RFX4: variants seen among roughly 807,000 people sequenced by gnomAD.
The protein encoded by RFX4 is regulatory factor X4.
In RFX4, 10 loss-of-function variants were observed where a neutral mutation model predicts 95.0. The observed-to-expected ratio is 0.11, with a 90% CI of 0.06 to 0.18. The LOEUF is 0.18. Among genes scored for constraint, RFX4 ranks in the 10% least tolerant of loss-of-function variants. RFX4 has a pLI of 1.00. For missense variants in RFX4, 640 were observed against 922.0 expected (o/e 0.69, Z 3.96); for synonymous variants, 321 against 340.7 (o/e 0.94, Z 0.64).
At chr12:106,647,852 A>C (rs972594219) in intron 3 of RFX4, among the ~76,000 whole-genome samples, 12 of 152,110 alleles carry the variant, frequency 7.9e-5, no homozygotes, top group Non-Finnish European at 1.3e-4. Flanking sequence ...AGTTTCTCTC[A>C]TTTTACAGAT....
intron 13 of RFX4, among the ~76,000 whole-genome samples, chr12:106,729,672 A>G (rs2042573421): frequency 6.6e-6 from 1 of 152,224 alleles, no homozygotes; most frequent in African/African-American, 2.4e-5. Flanking sequence ...TGCCAAAATA[A>G]ATCTCTGGTG....
At chr12:106,710,104 T>C (rs2042163424) in intron 9 of RFX4, among the ~76,000 whole-genome samples, 1 of 152,270 alleles carries the variant, frequency 6.6e-6, no homozygotes, top group African/African-American at 2.4e-5. Context: ...GAGACTCATG[T>C]ACCGTTCGTT....
Position 106,720,671 on chromosome 12 carries a change from G to A in RFX4, c.1234-88G>A. 1 of 1,300,510 alleles carries A rather than the reference G, an allele frequency of 7.7e-7. No homozygotes were observed. 80.6% of individuals were successfully genotyped at this position (1,300,510 alleles called of 1,614,324 possible). ...CAAAGTGCTGGGATTACAGGCGTGA[G>A]CCACTTCAACCGGCCTCATTTTTCA... On this transcript the variant is annotated intron_variant, in intron 12 of 17. Coordinates refer to ENST00000392842, the MANE Select transcript of RFX4 (RefSeq NM_213594.3). The surrounding 1 kb of genome is among the most constrained non-coding windows in gnomAD (Gnocchi z 4.2).
chr12:106,614,443 G>T (rs1057051723), intron 2 of RFX4, among the ~76,000 whole-genome samples: 31 of 151,848 alleles, frequency 2.0e-4, no homozygotes, highest in Non-Finnish European at 5.9e-5. Flanking sequence ...ACAGGCGTGA[G>T]CCCCTGTGCC....
intron 16 of RFX4, among the ~76,000 whole-genome samples, chr12:106,748,393 G>A (rs566799392): frequency 4.6e-5 from 7 of 152,310 alleles, no homozygotes; most frequent in Non-Finnish European, 1.0e-4. Context: ...CCTTTAGGCT[G>A]CAGTTATTCA....
At chr12:106,753,916 C>CCTG (rs2043060682) in intron 17 of RFX4, among the ~76,000 whole-genome samples, 3 of 152,162 alleles carry the variant, frequency 2.0e-5, no homozygotes, top group Non-Finnish European at 4.4e-5. Context: ...AGGGCCCCCA[C>CCTG]AAAATGAACC....
At chr12:106,710,878 G>A (rs1399680739) in intron 9 of RFX4, among the ~76,000 whole-genome samples, 1 of 152,192 alleles carries the variant, frequency 6.6e-6, no homozygotes, top group East Asian at 1.9e-4. Context: ...TTATGTCAGT[G>A]TAGGAAACAA....
chr12:106,588,307 C>A (rs1318153170), intron 1 of RFX4, among the ~76,000 whole-genome samples: 1 of 152,190 alleles, frequency 6.6e-6, no homozygotes. Flanking sequence ...TCCCTCCATC[C>A]CCAAAGGATT....
At chr12:106,744,364 G>A (rs542744497) in intron 15 of RFX4, among the ~76,000 whole-genome samples, 33 of 152,192 alleles carry the variant, frequency 2.2e-4, no homozygotes, top group Non-Finnish European at 3.7e-4. Flanking sequence ...GAAATTTGCC[G>A]TAATTGGCTA....
rs182860026 is a variant in RFX4 at position 106,749,745 on chromosome 12, C to T, written c.1797-910C>T. On this transcript the variant is annotated intron_variant, in intron 16 of 17. Coordinates refer to ENST00000392842, the MANE Select transcript of RFX4 (RefSeq NM_213594.3). ...ACATACGATCCTCAGAATGACCGTG[C>T]GCAGCATTTTTATGGATGTGAGAAA... 2.2e-4 allele frequency among the ~76,000 whole-genome samples: 34 copies of T among 152,246 alleles called. No homozygotes were observed. In the East Asian group the frequency reaches 4.3e-3, roughly 19 times the overall value.
At position 106,762,237 on chromosome 12, in the gene RFX4, G is replaced by C. The variant is rs1804262236; in HGVS notation, c.*768G>C. 1 of 152,544 alleles carries C rather than the reference G, an allele frequency of 6.6e-6. No homozygotes were observed. Among genetic ancestry groups the C allele is most frequent in the South Asian group, 2.1e-4 (1 of 4,834 alleles). 9.4% of individuals were successfully genotyped at this position (152,544 alleles called of 1,614,324 possible). A position where few individuals can be genotyped will look rare whatever the true frequency, so the allele number is the denominator to read the frequency against. The stretch of plus-strand genomic sequence containing the variant: ...GCTAGTGTCAGCAAAAGGCAGGAGA[G>C]GGTTTTTGTTTTTTTTTTAAGTTCT... On this transcript the variant is annotated 3_prime_UTR_variant, in exon 18 of 18. Coordinates refer to ENST00000392842, the MANE Select transcript of RFX4 (RefSeq NM_213594.3).
At chr12:106,685,036 A>T (rs1035523753) in intron 5 of RFX4, 2 of 1,508,876 alleles carry the variant, frequency 1.3e-6, no homozygotes, top group Non-Finnish European at 1.8e-6. Flanking sequence ...CTTTCATTGT[A>T]TCTCCATGGG....
chr12:106,664,721 A>T (rs965679389), intron 4 of RFX4, among the ~76,000 whole-genome samples: 7 of 151,734 alleles, frequency 4.6e-5, no homozygotes, highest in African/African-American at 1.7e-4. Flanking sequence ...ATTTCATCTC[A>T]CAAATTTTAA....
chr12:106,683,355 T>C (rs900434275), intron 5 of RFX4: 3 of 151,342 alleles, frequency 2.0e-5, no homozygotes, highest in Non-Finnish European at 4.4e-5. Flanking sequence ...ACTAATTTTT[T>C]TGGTGTAGCT....
chr12:106,631,508 G>T (rs1021724558), intron 2 of RFX4, among the ~76,000 whole-genome samples: 2 of 152,318 alleles, frequency 1.3e-5, no homozygotes, highest in African/African-American at 2.4e-5. Context: ...TTTGGGGAAG[G>T]GTTAGGTCAT....
intron 13 of RFX4, among the ~76,000 whole-genome samples, chr12:106,731,414 G>A (rs1012707621): frequency 6.6e-6 from 1 of 152,126 alleles, no homozygotes; most frequent in African/African-American, 2.4e-5. Context: ...GAGAAGATAA[G>A]ACTTTGAGCA....
chr12:106,754,689 T>G (rs1288465039), intron 17 of RFX4, among the ~76,000 whole-genome samples: 1 of 152,176 alleles, frequency 6.6e-6, no homozygotes, highest in Admixed American at 6.5e-5. Context: ...ACACTGCCAT[T>G]TAATATCTGG....
intron 16 of RFX4, among the ~76,000 whole-genome samples, chr12:106,748,144 C>T (rs1401769163): frequency 6.6e-6 from 1 of 152,064 alleles, no homozygotes; most frequent in Non-Finnish European, 1.5e-5. Context: ...GTTTGGTTAT[C>T]TTCCATTCCC....
intron 3 of RFX4, among the ~76,000 whole-genome samples, chr12:106,644,669 A>G (rs1306159509): frequency 6.6e-6 from 1 of 152,242 alleles, no homozygotes; most frequent in Non-Finnish European, 1.5e-5. Context: ...ATCAAGAAAC[A>G]GAATTGCTCC....
Sources: allele counts gnomAD v4.1 joint callset (sites outside exome capture counted in the v4.1 genomes callset), GRCh38; gene constraint gnomAD v4.1.1; non-coding constraint Gnocchi (gnomAD v3.1); transcripts MANE v1.5; gene names NCBI Gene and HGNC (gene_info 2026-07-23, HGNC 2026-07-21).